Variants in HK1 observed in about 807,000 individuals in gnomAD.
HK1 encodes the protein hexokinase-1.
A neutral mutation model predicts 91.6 loss-of-function variants in HK1; 28 were observed. That is an observed-to-expected ratio of 0.31 (90% confidence interval 0.23 to 0.42). The LOEUF (loss-of-function observed/expected upper bound fraction) is 0.42, where lower values mean the gene tolerates loss of function less well. HK1 is among the 10% of genes least tolerant of loss of function. The pLI, the probability that HK1 is intolerant of heterozygous loss-of-function variation, is 1.00. For missense variants in HK1, 770 were observed against 1,219.8 expected, an observed-to-expected ratio of 0.63 and a Z score of 5.49; for synonymous variants, 430 against 468.1, an observed-to-expected ratio of 0.92 and a Z score of 1.05.
chr10:69,362,141 A>C (rs1352775054), intron 3 of HK1, among the ~76,000 whole-genome samples: 2 of 152,196 alleles, frequency 1.3e-5, no homozygotes, highest in Non-Finnish European at 2.9e-5. Context: ...TCACTTACTT[A>C]GTTGTGGGAA....
At chr10:69,344,139 C>A in intron 2 of HK1, 150 bp downstream of exon 2, 1 of 809,040 alleles carries the variant, frequency 1.2e-6, no homozygotes, top group Non-Finnish European at 2.1e-6. Context: ...ATCCGCTGAT[C>A]CATCTGCTGA....
Position 69,369,109 on chromosome 10 carries a change from A to T in HK1, c.592-128A>T. 1.4e-6 allele frequency: 1 copy of T among 731,530 alleles called. No individual in the cohort carries two copies. 45.3% of individuals were successfully genotyped at this position (731,530 alleles called of 1,614,324 possible). ...CTAGTTAATTTGAGTACCAGCTGTA[A>T]TGAAACCAGTACCACTCACAAAAGC... On this transcript the variant is annotated intron_variant, in intron 5 of 17. Transcript: ENST00000359426. The surrounding 1 kb of genome is among the most constrained non-coding windows in gnomAD (Gnocchi z 4.4).
intron 4 of HK1, among the ~76,000 whole-genome samples, chr10:69,366,586 C>G (rs1296723994): frequency 1.3e-5 from 2 of 152,142 alleles, no homozygotes; most frequent in African/African-American, 4.8e-5. Context: ...CCACCCACCT[C>G]CAACATGTCT....
rs113540752 is a variant in HK1 at position 69,324,856 on chromosome 10, AC to A, written c.63+5848del. ...AACCTTAACAACGGGATCTTTTGCA[AC>A]CACTTAATATACACTGGGTTGTGTT... is the stretch of plus-strand genomic sequence containing the variant. On this transcript the variant is annotated intron_variant, in intron 1 of 17. Transcript: ENST00000359426. Among the ~76,000 whole-genome samples, 165 of 152,268 alleles carry A rather than the reference AC, an allele frequency of 1.1e-3. 2 individuals carry two copies. The highest frequency in any genetic ancestry group is 3.8e-3 in the African/African-American group (159 of 41,542).
intron 12 of HK1, 64 bp downstream of exon 12, chr10:69,384,979 C>T (rs1839565658): frequency 6.3e-7 from 1 of 1,597,768 alleles, no homozygotes; most frequent in Admixed American, 1.7e-5. Flanking sequence ...CCTGGGTGGG[C>T]TGGCCCTTGA....
intron 14 of HK1, among the ~76,000 whole-genome samples, chr10:69,390,449 A>G (rs1421347956): frequency 6.6e-6 from 1 of 152,182 alleles, no homozygotes; most frequent in Non-Finnish European, 1.5e-5. Flanking sequence ...CCCATAGGCA[A>G]GATGTATGGT....
intron 14 of HK1, 48 bp from the exon 15 acceptor site, chr10:69,392,077 C>A (rs760598248): frequency 6.2e-7 from 1 of 1,607,140 alleles, no homozygotes; most frequent in Non-Finnish European, 8.5e-7. Flanking sequence ...GTTGCAAGAC[C>A]CCCAAATGCA....
chr10:69,369,699 T>C lies in HK1; in HGVS notation c.875+75T>C. 1 of 1,361,108 alleles carries C rather than the reference T, an allele frequency of 7.3e-7. No homozygotes were observed. The highest frequency in any genetic ancestry group is 1.2e-5 in the South Asian group (1 of 81,922). 84.3% of individuals were successfully genotyped at this position (1,361,108 alleles called of 1,614,324 possible). On this transcript the variant is annotated intron_variant, in intron 7 of 17. Transcript: ENST00000359426. This position sits in a 1 kb window ranked among gnomAD's most constrained non-coding sequence, Gnocchi z 4.4. ...TTGATGAAAGATTTGGGATGGGAGA[T>C]GAAAAGGGCATAAAGCCAAGTGATC...
chr10:69,367,487 C>T (rs766026540), intron 4 of HK1, among the ~76,000 whole-genome samples: 1 of 152,182 alleles, frequency 6.6e-6, no homozygotes, highest in Non-Finnish European at 1.5e-5. Context: ...ACACCTGGTT[C>T]TCTGAGGCTT....
At chr10:69,341,208 C>T (rs1354613428) in intron 1 of HK1, among the ~76,000 whole-genome samples, 1 of 151,764 alleles carries the variant, frequency 6.6e-6, no homozygotes. Flanking sequence ...GTCACCCAGG[C>T]TGGGGTACAG....
chr10:69,369,437 C>T lies in HK1; in HGVS notation c.692-4C>T. Reference sequence around the variant, plus strand: ...GTCATAGCTTCTGATCTTGTCCTGCCCAGGCACTGGCACCAATGCTTGCTA... The same window carrying T: ...GTCATAGCTTCTGATCTTGTCCTGCTCAGGCACTGGCACCAATGCTTGCTA... On this transcript the variant is annotated splice_polypyrimidine_tract_variant and splice_region_variant and intron_variant, in intron 6 of 17. Transcript: ENST00000359426. This position sits in a 1 kb window ranked among gnomAD's most constrained non-coding sequence, Gnocchi z 4.4. The T allele has an allele frequency of 6.2e-7, 1 of 1,614,198 alleles. No homozygotes were observed. Among genetic ancestry groups the T allele is most frequent in the South Asian group, 1.1e-5 (1 of 91,086 alleles).
At position 69,337,618 on chromosome 10, in the gene HK1, G is replaced by A. The variant is rs779850693; in HGVS notation, c.64-6209G>A. 4.1e-4 allele frequency among the ~76,000 whole-genome samples: 62 copies of A among 152,356 alleles called. No homozygotes were observed. In the Middle Eastern group the frequency reaches 0.024, roughly 59 times the overall value. On this transcript the variant is annotated intron_variant, in intron 1 of 17. Coordinates refer to ENST00000359426, the MANE Select transcript of HK1 (RefSeq NM_000188.3). Reference sequence around the variant, plus strand: ...TTAGCAAAGGGAAGTGAATTCTGATGTTGAAATCTCTGTCCTCCCCTAAGC... The same window carrying A: ...TTAGCAAAGGGAAGTGAATTCTGATATTGAAATCTCTGTCCTCCCCTAAGC...
chr10:69,376,930 A>G lies in HK1; in HGVS notation c.876-4A>G. 3.1e-6 allele frequency: 5 copies of G among 1,614,122 alleles called. No homozygotes were observed. Among genetic ancestry groups the G allele is most frequent in the Non-Finnish European group, 4.2e-6 (5 of 1,179,990 alleles). ...GACAAGTGCCGGTGTGCCTTTCTCC[A>G]CAGGTTTGAGAAGATGGTCAGTGGC... On this transcript the variant is annotated splice_polypyrimidine_tract_variant and splice_region_variant and intron_variant, in intron 7 of 17. Coordinates refer to ENST00000359426, the MANE Select transcript of HK1 (RefSeq NM_000188.3).
intron 15 of HK1, among the ~76,000 whole-genome samples, chr10:69,394,703 A>G (rs1421041961): frequency 6.6e-6 from 1 of 152,146 alleles, no homozygotes; most frequent in African/African-American, 2.4e-5. Context: ...GCAGCTGAGG[A>G]GGGAGACCAG....
At chr10:69,328,386 G>A (rs1847502947) in intron 1 of HK1, among the ~76,000 whole-genome samples, 1 of 152,172 alleles carries the variant, frequency 6.6e-6, no homozygotes, top group Admixed American at 6.5e-5. Flanking sequence ...CTAGGCGCCC[G>A]GCTTTTCTTT....
upstream of HK1, among the ~76,000 whole-genome samples, chr10:69,311,678 C>T (rs142258771): frequency 1.7e-3 from 265 of 152,198 alleles, 1 homozygote; most frequent in Non-Finnish European, 2.1e-3. Flanking sequence ...CCTCTGTTGC[C>T]CAGGCTGGAG....
chr10:69,295,207 G>A (rs894381895), intron 3 of HK1, among the ~76,000 whole-genome samples: 3 of 152,154 alleles, frequency 2.0e-5, no homozygotes, highest in African/African-American at 4.8e-5. Flanking sequence ...CGGGGCCTGC[G>A]GTTCAGTAGG....
chr10:69,330,626 C>T (rs184853819), intron 1 of HK1, among the ~76,000 whole-genome samples: 23 of 152,272 alleles, frequency 1.5e-4, no homozygotes, highest in African/African-American at 5.5e-4. Flanking sequence ...GAAGGTCTCT[C>T]ACCTTTCCCC....
At chr10:69,366,366 G>C (rs1849700358) in intron 4 of HK1, among the ~76,000 whole-genome samples, 1 of 152,132 alleles carries the variant, frequency 6.6e-6, no homozygotes, top group Non-Finnish European at 1.5e-5. Context: ...AGCACCCCTG[G>C]GTCCCTTTAT....
Sources: gnomAD v4.1 joint callset for allele counts (sites outside exome capture counted in the v4.1 genomes callset) on GRCh38, gnomAD v4.1.1 for gene constraint, Gnocchi (gnomAD v3.1) non-coding constraint, MANE v1.5 for transcripts, NCBI Gene and HGNC (gene_info 2026-07-23, HGNC 2026-07-21) for gene names.